Variants in FIGNL2 observed in about 807,000 individuals in gnomAD.
FIGNL2 encodes the protein fidgetin like 2, also known as fidgetin-like protein 2.
For missense variants in FIGNL2, 1,060 were observed against 950.2 expected (o/e 1.12, Z -1.52); for synonymous variants, 565 against 484.0 (o/e 1.17, Z -2.20).
In FIGNL2 at chr12:51,820,538, C is replaced by G. The variant is rs747176075; in HGVS notation, c.1876G>C (p.Ala626Pro). The change falls in exon 2 of 2, where the codon GCG (alanine) becomes CCG (proline). Residue 626 changes from alanine (A) to proline (P), a missense_variant. Coordinates refer to ENST00000618634, the MANE Select transcript of FIGNL2 (RefSeq NM_001384995.1). ...RPLSYKDLEA[A>P]LAKVGPRASA... ...GCCCTAGGGCCCACCTTGGCCAGCG[C>G]CGCCTCCAGGTCCTTGTAGGAGAGG... The G allele has an allele frequency of 1.7e-5, 26 of 1,550,842 alleles. No homozygotes were observed. The highest frequency in any genetic ancestry group is 2.2e-5 in the Non-Finnish European group (25 of 1,155,676).
At position 51,822,203 on chromosome 12, in the gene FIGNL2, A is replaced by G. The variant is rs1367733834; in HGVS notation, c.211T>C (p.Leu71=). Residue 71 remains leucine, a synonymous_variant, in exon 2 of 2, where the codon TTG becomes CTG. Coordinates refer to ENST00000618634, the MANE Select transcript of FIGNL2 (RefSeq NM_001384995.1). The stretch of plus-strand genomic sequence containing the variant: ...GCCGGACGCTCGTAGGGAGAATCCA[A>G]GACCCCAGAGTACTTCTCTGCATAG... ...KRYAEKYSGV[L]DSPYERPALG... is the part of the protein sequence containing the mutation. The G allele has an allele frequency of 1.2e-6, 2 of 1,611,882 alleles. No individual in the cohort carries two copies. The highest frequency in any genetic ancestry group is 1.7e-5 in the Admixed American group (1 of 59,682).
At position 51,822,170 on chromosome 12, in the gene FIGNL2, C is replaced by T. The variant is rs1939230657; in HGVS notation, c.244G>A (p.Gly82Arg). The change falls in exon 2 of 2, where the codon GGG becomes AGG. Residue 82 changes from glycine (G) to arginine (R), a missense_variant. By Grantham distance (125) the Gly-to-Arg change is moderately radical (BLOSUM62 -2). Transcript: ENST00000618634. The stretch of plus-strand genomic sequence containing the variant: ...TTGAGGAAGGAGGCGTCGCTGTACC[C>T]GCCCAGGGCCGGACGCTCGTAGGGA... ...DSPYERPALGGYSDASFLNGA... is the reference protein window; with the variant it reads ...DSPYERPALGRYSDASFLNGA... 6.2e-7 allele frequency: 1 copy of T among 1,611,552 alleles called. No homozygotes were observed. The highest frequency in any genetic ancestry group is 8.5e-7 in the Non-Finnish European group (1 of 1,179,048).
At chr12:51,823,245 T>C (rs576055023) in intron 1 of FIGNL2, among the ~76,000 whole-genome samples, 2 of 152,266 alleles carry the variant, frequency 1.3e-5, no homozygotes, top group African/African-American at 4.8e-5. Context: ...AATAAATAGG[T>C]CATATGCTGG....
Position 51,843,745 on chromosome 12 carries a change from G to A in FIGNL2, c.-12+4795C>T, listed in dbSNP as rs139338166. Among the ~76,000 whole-genome samples the A allele has an allele frequency of 3.2e-3, 485 of 152,090 alleles. 7 individuals carry two copies. Among genetic ancestry groups the A allele is most frequent in the Middle Eastern group, 0.014 (4 of 294 alleles). On this transcript the variant is annotated intron_variant, in intron 1 of 1. Transcript: ENST00000618634. ...CCTCCCATCTACCTGCCCACCCCCT[G>A]TCTGCCCTGACTCCATGTCGGAGGG... is the stretch of plus-strand genomic sequence containing the variant.
intron 1 of FIGNL2, chr12:51,847,770 G>T (rs1054530103): frequency 3.5e-5 from 34 of 985,302 alleles, no homozygotes; most frequent in Non-Finnish European, 3.5e-5. Flanking sequence ...AGCGGCGGGG[G>T]GGTTGCTAGC....
chr12:51,848,427 A>T (rs1418738750), intron 1 of FIGNL2, 113 bp downstream of exon 1: 1 of 981,220 alleles, frequency 1.0e-6, no homozygotes, highest in African/African-American at 1.8e-5. Flanking sequence ...CGCGACTAGC[A>T]GCCCCCGCCC....
At position 51,820,808 on chromosome 12, in the gene FIGNL2, AG is replaced by A. The variant is rs1939159151; in HGVS notation, c.1605del (p.Ser536ArgfsTer154). On this transcript the variant is annotated frameshift_variant, in exon 2 of 2. Coordinates refer to ENST00000618634, the MANE Select transcript of FIGNL2 (RefSeq NM_001384995.1). LOFTEE classifies it low-confidence loss of function (END_TRUNC). The part of the protein sequence containing the change: ...GADGVLVVGT[T>X]SRPAALDEAT... Reference sequence around the variant, plus strand: ...GCCTCGTCCAGAGCCGCGGGCCGCGAGGTGGTGCCCACAACCAGCACGCCGT... The same window carrying A: ...GCCTCGTCCAGAGCCGCGGGCCGCGAGTGGTGCCCACAACCAGCACGCCGT... The A allele has an allele frequency of 6.8e-7, 1 of 1,473,438 alleles. No individual in the cohort carries two copies. Among genetic ancestry groups the A allele is most frequent in the Non-Finnish European group, 8.9e-7 (1 of 1,120,452 alleles). 91.3% of individuals were successfully genotyped at this position (1,473,438 alleles called of 1,614,324 possible).
At chr12:51,843,393 A>G (rs2139002248) in intron 1 of FIGNL2, among the ~76,000 whole-genome samples, 1 of 151,932 alleles carries the variant, frequency 6.6e-6, no homozygotes, top group East Asian at 1.9e-4. Flanking sequence ...AAAAAAAAAA[A>G]AAAAATTAGC....
chr12:51,821,328 C>T lies in FIGNL2; in HGVS notation c.1086G>A (p.Pro362=), dbSNP rs1205428731. The change falls in exon 2 of 2, where the codon CCG becomes CCA. Residue 362 remains proline, a synonymous_variant. Coordinates refer to ENST00000618634, the MANE Select transcript of FIGNL2 (RefSeq NM_001384995.1). ...CCACGCCTTTGGGAGTCTCCCCCGA[C>T]GGCACGGCGAACCCCCCACGAGGAG... ...APAPRGGFAV[P]SGETPKGVDP... 3.3e-6 allele frequency: 5 copies of T among 1,503,730 alleles called. No individual in the cohort carries two copies. The highest frequency in any genetic ancestry group is 2.2e-5 in the Admixed American group (1 of 46,450). 93.1% of individuals were successfully genotyped at this position (1,503,730 alleles called of 1,614,324 possible).
At chr12:51,846,722 G>C (rs142508751) in intron 1 of FIGNL2, among the ~76,000 whole-genome samples, 1 of 151,946 alleles carries the variant, frequency 6.6e-6, no homozygotes, top group Non-Finnish European at 1.5e-5. Flanking sequence ...TCTTCTTCTG[G>C]GGCGGGGGTG....
chr12:51,827,427 T>C (rs934379238), intron 1 of FIGNL2, among the ~76,000 whole-genome samples: 6 of 151,904 alleles, frequency 3.9e-5, no homozygotes, highest in Admixed American at 3.3e-4. Flanking sequence ...GGTTTTGCCA[T>C]ATTGGCCAGA....
Position 51,821,109 on chromosome 12 carries a change from GC to G in FIGNL2, c.1304del (p.Gly435AlafsTer59). On this transcript the variant is annotated frameshift_variant, in exon 2 of 2. Coordinates refer to ENST00000618634, the MANE Select transcript of FIGNL2 (RefSeq NM_001384995.1). LOFTEE classifies it low-confidence loss of function (END_TRUNC). ...AGCGGCCCAGCAGCGCTTTGCCCGC[GC>G]CCCGCGGCCCAAAGAGCAGGACGGT... ...PRTVLLFGPRGAGKALLGRCL... is the reference protein window; with the variant it reads ...PRTVLLFGPRXAGKALLGRCL... The G allele has an allele frequency of 7.3e-7, 1 of 1,378,786 alleles. No homozygotes were observed. The highest frequency in any genetic ancestry group is 9.3e-7 in the Non-Finnish European group (1 of 1,077,098). The allele number at this position is 1,378,786 out of a possible 1,614,324, so 85.4% of individuals were successfully genotyped here.
chr12:51,824,602 G>A (rs1045329054), intron 1 of FIGNL2: 3 of 152,244 alleles, frequency 2.0e-5, no homozygotes, highest in Non-Finnish European at 2.9e-5. Flanking sequence ...AGCTGAGTGC[G>A]AGGTCCTTGG....
intron 1 of FIGNL2, among the ~76,000 whole-genome samples, chr12:51,834,350 GC>G (rs1036108802): frequency 6.6e-6 from 1 of 152,060 alleles, no homozygotes; most frequent in Non-Finnish European, 1.5e-5. Context: ...ACCTATCTCA[GC>G]CCCCCAGAGA....
chr12:51,832,544 C>T (rs898475432), intron 1 of FIGNL2, among the ~76,000 whole-genome samples: 1 of 152,034 alleles, frequency 6.6e-6, no homozygotes, highest in Non-Finnish European at 1.5e-5. Flanking sequence ...CTCTCCTGGC[C>T]CCTGCTGCCG....
chr12:51,840,192 T>G (rs1052493772), intron 1 of FIGNL2, among the ~76,000 whole-genome samples: 2 of 152,182 alleles, frequency 1.3e-5, no homozygotes, highest in Non-Finnish European at 2.9e-5. Flanking sequence ...GACTGTCCTC[T>G]GTCCACTTGG....
intron 1 of FIGNL2, chr12:51,848,003 C>A: frequency 1.5e-6 from 1 of 675,350 alleles, no homozygotes; most frequent in Non-Finnish European, 1.8e-6. Flanking sequence ...CGCGGGGACC[C>A]TAAGTAGCCT....
In FIGNL2 at chr12:51,822,004, C is replaced by T. The variant is rs1426162371; in HGVS notation, c.410G>A (p.Gly137Glu). The T allele has an allele frequency of 1.3e-6, 2 of 1,592,512 alleles. No homozygotes were observed. The highest frequency in any genetic ancestry group is 2.3e-5 in the South Asian group (2 of 87,972). ...GALGGSPVLA[G>E]NLPEPLYAGN... The stretch of plus-strand genomic sequence containing the variant: ...GGCGTAGAGGGGTTCAGGGAGGTTC[C>T]CGGCTAAAACTGGGGAGCCCCCCAG... The change falls in exon 2 of 2, where the codon GGG becomes GAG. Residue 137 changes from glycine to glutamate, a missense_variant. Coordinates refer to ENST00000618634, the MANE Select transcript of FIGNL2 (RefSeq NM_001384995.1).
In FIGNL2 at chr12:51,846,525, G is replaced by A. The variant is rs570928425; in HGVS notation, c.-12+2015C>T. On this transcript the variant is annotated intron_variant, in intron 1 of 1. Coordinates refer to ENST00000618634, the MANE Select transcript of FIGNL2 (RefSeq NM_001384995.1). ...AAGCTGTGGCCATGGGTGAGCAGAA[G>A]AAAGGCAGGAAAGGGCTCTGCGACG... 2.0e-5 allele frequency among the ~76,000 whole-genome samples: 3 copies of A among 152,312 alleles called. No individual in the cohort carries two copies. The East Asian group carries it at 5.8e-4, about 29-fold the overall frequency.
Sources: allele counts gnomAD v4.1 joint callset (sites outside exome capture counted in the v4.1 genomes callset), GRCh38; gene constraint gnomAD v4.1.1; transcripts MANE v1.5; gene names NCBI Gene and HGNC (gene_info 2026-07-23, HGNC 2026-07-21).